ZHX3: variants seen among roughly 807,000 people sequenced by gnomAD.
The protein encoded by ZHX3 is zinc fingers and homeoboxes 3.
ZHX3 carries 20 observed loss-of-function variants against 64.5 expected under a neutral mutation model. That is an observed-to-expected ratio of 0.31 (90% CI 0.22 to 0.45). The LOEUF (loss-of-function observed/expected upper bound fraction) is 0.45, where lower values mean the gene tolerates loss of function less well. Ranked by LOEUF, ZHX3 falls within the 20% of genes least tolerant of loss-of-function variation. The pLI is 1.00. For synonymous variants in ZHX3, 423 were observed against 461.6 expected (o/e 0.92, Z 1.07); for missense variants, 1,041 against 1,195.8 (o/e 0.87, Z 1.91).
intron 2 of ZHX3, among the ~76,000 whole-genome samples, chr20:41,263,309 T>C (rs769318983): frequency 7.9e-5 from 12 of 152,058 alleles, no homozygotes; most frequent in Non-Finnish European, 1.3e-4. Flanking sequence ...TAGAGAGCAG[T>C]ATTGCTTTCT....
intron 1 of ZHX3, among the ~76,000 whole-genome samples, chr20:41,272,990 C>G (rs1311428830): frequency 6.6e-6 from 1 of 152,110 alleles, no homozygotes; most frequent in Non-Finnish European, 1.5e-5. Flanking sequence ...ACATTCCCAC[C>G]AGCAAAGTAC....
chr20:41,229,929 T>C (rs1369365829), intron 2 of ZHX3, among the ~76,000 whole-genome samples: 1 of 152,198 alleles, frequency 6.6e-6, no homozygotes, highest in Admixed American at 6.5e-5. Context: ...TTAACTTTTA[T>C]ATATATGGTG....
chr20:41,311,039 A>T (rs959976476), intron 1 of ZHX3, among the ~76,000 whole-genome samples: 3 of 151,636 alleles, frequency 2.0e-5, no homozygotes, highest in Non-Finnish European at 4.4e-5. Flanking sequence ...TTATTTCTTA[A>T]CCTCGTGATC....
chr20:41,275,098 C>T (rs1438264914), intron 1 of ZHX3, among the ~76,000 whole-genome samples: 1 of 152,000 alleles, frequency 6.6e-6, no homozygotes, highest in Non-Finnish European at 1.5e-5. Context: ...GCGGAGGTTG[C>T]AGTGAGCTCA....
At chr20:41,264,692 C>A (rs1015669258) in intron 2 of ZHX3, among the ~76,000 whole-genome samples, 1 of 151,844 alleles carries the variant, frequency 6.6e-6, no homozygotes, top group Non-Finnish European at 1.5e-5. Context: ...TCTAATTATT[C>A]TACTAATCTG....
Position 41,217,785 on chromosome 20 carries a change from C to CAAGA in ZHX3, c.-150-12723_-150-12720dup, listed in dbSNP as rs1371263369. On this transcript the variant is annotated intron_variant, in intron 2 of 3. Transcript: ENST00000683867. The stretch of plus-strand genomic sequence containing the variant: ...ATTGTAGTATTGAGGAGCTATCGAG[C>CAAGA]AAGAAAGGGGAGGTGATATGACCAG... Among the ~76,000 whole-genome samples, 4 of 152,138 alleles carry CAAGA rather than the reference C, an allele frequency of 2.6e-5. No individual in the cohort carries two copies. In the East Asian group the frequency reaches 7.7e-4, roughly 29 times the overall value.
chr20:41,317,604 C>A lies in ZHX3; in HGVS notation c.-340G>T, dbSNP rs1045229371. The A allele has an allele frequency of 6.1e-5, 9 of 148,036 alleles. No homozygotes were observed. The highest frequency in any genetic ancestry group is 2.2e-4 in the African/African-American group (9 of 40,986). The allele number at this position is 148,036 out of a possible 1,614,324, so 9.2% of individuals were successfully genotyped here. ...GGCCGGGCGGGCGGCCGGCGCAGGC[C>A]CCGCAGAGGCGGCGGCGGCGGCGAC... On this transcript the variant is annotated 5_prime_UTR_variant, in exon 1 of 4. Coordinates refer to ENST00000683867, the MANE Select transcript of ZHX3 (RefSeq NM_001384317.1).
At position 41,226,124 on chromosome 20, in the gene ZHX3, G is replaced by A. The variant is rs536265017; in HGVS notation, c.-150-21058C>T. On this transcript the variant is annotated intron_variant, in intron 2 of 3. Transcript: ENST00000683867. The surrounding 1 kb of genome is among the most constrained non-coding windows in gnomAD (Gnocchi z 4.4). ...AAAAAGTACTTATCTTGGGCTGGGC[G>A]CGGTGGCTCACACCTGTAATCCCAG... 8.5e-5 allele frequency among the ~76,000 whole-genome samples: 13 copies of A among 152,218 alleles called. No individual in the cohort carries two copies. The highest frequency in any genetic ancestry group is 4.6e-4 in the Admixed American group (7 of 15,288).
chr20:41,272,788 T>C (rs1473474993), intron 1 of ZHX3, among the ~76,000 whole-genome samples: 1 of 152,154 alleles, frequency 6.6e-6, no homozygotes, highest in East Asian at 1.9e-4. Context: ...TTGATAGACA[T>C]TTGGGTTGTT....
chr20:41,208,935 G>C (rs2038942650), intron 2 of ZHX3, among the ~76,000 whole-genome samples: 1 of 152,200 alleles, frequency 6.6e-6, no homozygotes, highest in South Asian at 2.1e-4. Flanking sequence ...TGTATATTTA[G>C]AAAACCCCAT....
intron 2 of ZHX3, chr20:41,267,456 T>C (rs2042919371): frequency 6.6e-6 from 1 of 152,206 alleles, no homozygotes; most frequent in African/African-American, 2.4e-5. Context: ...ACCCAACAAA[T>C]ACTTACTGAG....
chr20:41,252,136 A>G (rs2042023467), intron 2 of ZHX3, among the ~76,000 whole-genome samples: 1 of 152,192 alleles, frequency 6.6e-6, no homozygotes, highest in African/African-American at 2.4e-5. Flanking sequence ...TTGGCTGTCT[A>G]TACCTGCCTT....
At chr20:41,193,715 T>G (rs1280210692) in intron 3 of ZHX3, among the ~76,000 whole-genome samples, 2 of 45,532 alleles carry the variant, frequency 4.4e-5, no homozygotes, top group South Asian at 5.7e-4. Flanking sequence ...TTGTTTTTGT[T>G]TTTTTTTTTT....
At chr20:41,299,018 T>C (rs893148413) in intron 1 of ZHX3, among the ~76,000 whole-genome samples, 1 of 152,172 alleles carries the variant, frequency 6.6e-6, no homozygotes, top group Non-Finnish European at 1.5e-5. Context: ...TGGAAAACCC[T>C]GTGGTCACTT....
At chr20:41,208,686 G>A (rs1230263521) in intron 2 of ZHX3, among the ~76,000 whole-genome samples, 3 of 152,012 alleles carry the variant, frequency 2.0e-5, no homozygotes, top group Non-Finnish European at 4.4e-5. Context: ...TTGATGGGAC[G>A]TATCTCAAAA....
chr20:41,221,667 G>C (rs1934036854), intron 2 of ZHX3, among the ~76,000 whole-genome samples: 1 of 152,202 alleles, frequency 6.6e-6, no homozygotes, highest in South Asian at 2.1e-4. Flanking sequence ...GTGGAGCATG[G>C]CAGGGGTGAG....
Position 41,202,585 on chromosome 20 carries a change from A to G in ZHX3, c.2332T>C (p.Leu778=). ...SCKKTAQQRH[L]LRQLFVQTQW... is the part of the protein sequence containing the mutation. ...GTCTGGACAAAGAGCTGCCGCAGCA[A>G]GTGCCGCTGCTGGGCAGTCTTTTTG... Residue 778 remains leucine, a synonymous_variant, in exon 3 of 4, where the codon TTG becomes CTG. Coordinates refer to ENST00000683867, the MANE Select transcript of ZHX3 (RefSeq NM_001384317.1). This position sits in a 1 kb window ranked among gnomAD's most constrained non-coding sequence, Gnocchi z 7.0. 6.2e-7 allele frequency: 1 copy of G among 1,614,040 alleles called. No individual in the cohort carries two copies. The highest frequency in any genetic ancestry group is 8.5e-7 in the Non-Finnish European group (1 of 1,180,038).
intron 1 of ZHX3, among the ~76,000 whole-genome samples, chr20:41,284,093 G>C (rs1326503050): frequency 6.6e-6 from 1 of 152,144 alleles, no homozygotes; most frequent in Admixed American, 6.5e-5. Flanking sequence ...AGCGTCCCCA[G>C]AGTAATGAGA....
chr20:41,290,307 G>C (rs6072332), intron 1 of ZHX3: 3 of 152,216 alleles, frequency 2.0e-5, no homozygotes, highest in Non-Finnish European at 4.4e-5. Context: ...CTGTTGCTCA[G>C]GCTGGAGTAC....
Sources: allele counts gnomAD v4.1 joint callset (sites outside exome capture counted in the v4.1 genomes callset), GRCh38; gene constraint gnomAD v4.1.1; non-coding constraint Gnocchi (gnomAD v3.1); transcripts MANE v1.5; gene names NCBI Gene and HGNC (gene_info 2026-07-23, HGNC 2026-07-21).